Variants in SYNRG observed in about 807,000 individuals in gnomAD.
SYNRG encodes the protein synergin gamma.
SYNRG carries 37 observed loss-of-function variants against 130.9 expected under a neutral mutation model. The observed-to-expected ratio is 0.28, with a 90% CI of 0.22 to 0.37. SYNRG has a LOEUF of 0.37. Among genes scored for constraint, SYNRG ranks in the 10% least tolerant of loss-of-function variants. The pLI, the probability that SYNRG is intolerant of heterozygous loss-of-function variation, is 1.00. For synonymous variants in SYNRG, 539 were observed against 568.1 expected (o/e 0.95, Z 0.73); for missense variants, 1,338 against 1,588.9 (o/e 0.84, Z 2.68).
intron 14 of SYNRG, among the ~76,000 whole-genome samples, chr17:37,549,379 G>T (rs963451669): frequency 6.6e-5 from 10 of 151,834 alleles, no homozygotes; most frequent in Admixed American, 4.6e-4. Flanking sequence ...TTTGGCCTAC[G>T]CTTGTTGCCA....
At chr17:37,534,978 A>G (rs1598151373) in intron 19 of SYNRG, among the ~76,000 whole-genome samples, 1 of 152,316 alleles carries the variant, frequency 6.6e-6, no homozygotes, top group Middle Eastern at 3.4e-3. Context: ...GAAATAAAGG[A>G]TATCATCAGA....
chr17:37,594,345 G>A (rs893633407), intron 3 of SYNRG, among the ~76,000 whole-genome samples: 5 of 144,932 alleles, frequency 3.4e-5, no homozygotes, highest in Non-Finnish European at 7.5e-5. Flanking sequence ...AAAAATTAAT[G>A]ATTTAAAATT....
At chr17:37,589,001 T>C (rs1324731981) in intron 3 of SYNRG, among the ~76,000 whole-genome samples, 1 of 152,190 alleles carries the variant, frequency 6.6e-6, no homozygotes, top group African/African-American at 2.4e-5. Context: ...GAAACCTAAA[T>C]AAACTAAAAG....
intron 11 of SYNRG, among the ~76,000 whole-genome samples, chr17:37,563,064 T>C (rs1224595455): frequency 6.6e-6 from 1 of 152,194 alleles, no homozygotes; most frequent in Non-Finnish European, 1.5e-5. Context: ...AAAATTCCAT[T>C]CAAAAAAAGT....
chr17:37,589,663 G>A (rs769115351), intron 3 of SYNRG, among the ~76,000 whole-genome samples: 59 of 151,690 alleles, frequency 3.9e-4, no homozygotes, highest in Non-Finnish European at 5.6e-4. Flanking sequence ...GCAGGAGAAC[G>A]GTGTGAACCC....
intron 3 of SYNRG, among the ~76,000 whole-genome samples, chr17:37,593,878 CAAAAA>C (rs36060397): frequency 2.2e-5 from 2 of 89,570 alleles, no homozygotes; most frequent in Non-Finnish European, 4.6e-5. Context: ...AACTCCCTCT[CAAAAA>C]AAAAAAAAAA....
rs1483984699 is a variant in SYNRG at position 37,520,191 on chromosome 17, T to C, written c.3801A>G (p.Glu1267=). 1 of 1,613,402 alleles carries C rather than the reference T, an allele frequency of 6.2e-7. No individual in the cohort carries two copies. The highest frequency in any genetic ancestry group is 1.3e-5 in the African/African-American group (1 of 74,924). Residue 1267 remains glutamate, a synonymous_variant, in exon 21 of 22, where the codon GAA becomes GAG. Coordinates refer to ENST00000612223, the MANE Select transcript of SYNRG (RefSeq NM_007247.6). The part of the protein sequence containing the change: ...RSRKEEKPAE[E]HPKKAFNSET... ...AACTGGTTCATACTTTTTTAGGATG[T>C]TCTTCTGCAGGCTTCTCTTCTTTCT...
Position 37,570,627 on chromosome 17 carries a change from C to T in SYNRG, c.1347+10G>A, listed in dbSNP as rs767663459. ...TGATTATCTGAAATATGCACAGCTTCGCCATTTACCTGATTTGCAGGGTAG... is the reference window on the plus strand; with the variant it reads ...TGATTATCTGAAATATGCACAGCTTTGCCATTTACCTGATTTGCAGGGTAG... On this transcript the variant is annotated intron_variant, in intron 10 of 21. Coordinates refer to ENST00000612223, the MANE Select transcript of SYNRG (RefSeq NM_007247.6). 1.8e-5 allele frequency: 29 copies of T among 1,605,258 alleles called. No individual in the cohort carries two copies. The highest frequency in any genetic ancestry group is 1.7e-4 in the Middle Eastern group (1 of 5,988).
intron 11 of SYNRG, among the ~76,000 whole-genome samples, chr17:37,565,460 CG>C (rs1302821347): frequency 6.6e-6 from 1 of 151,894 alleles, no homozygotes; most frequent in Non-Finnish European, 1.5e-5. Flanking sequence ...TCTGCCCGGC[CG>C]CCACCCCGTC....
chr17:37,536,142 G>A lies in SYNRG; in HGVS notation c.3518-15C>T, dbSNP rs777612140. Reference sequence around the variant, plus strand: ...TTCAACAACACCTGACGGGATGAGAGAGCAGAGAGAGAGTGTTGGCAGTGG... The same window carrying A: ...TTCAACAACACCTGACGGGATGAGAAAGCAGAGAGAGAGTGTTGGCAGTGG... On this transcript the variant is annotated splice_polypyrimidine_tract_variant and intron_variant, in intron 18 of 21. Coordinates refer to ENST00000612223, the MANE Select transcript of SYNRG (RefSeq NM_007247.6). 3 of 1,599,212 alleles carry A rather than the reference G, an allele frequency of 1.9e-6. No individual in the cohort carries two copies. Among genetic ancestry groups the A allele is most frequent in the East Asian group, 4.5e-5 (2 of 44,630 alleles).
At position 37,553,275 on chromosome 17, in the gene SYNRG, A is replaced by G; in HGVS notation, c.2448T>C (p.Pro816=). 1 of 1,613,918 alleles carries G rather than the reference A, an allele frequency of 6.2e-7. No individual in the cohort carries two copies. The highest frequency in any genetic ancestry group is 8.5e-7 in the Non-Finnish European group (1 of 1,179,952). The change falls in exon 14 of 22, where the codon CCT becomes CCC. Residue 816 remains proline, a synonymous_variant. Transcript: ENST00000612223. The part of the protein sequence containing the change: ...DSASVKSLDL[P]SIGGSSVGKE... The stretch of plus-strand genomic sequence containing the variant: ...TGCCAACACTGCTGCCACCAATGGA[A>G]GGGAGATCTAAGGACTTCACTGATG...
chr17:37,551,497 A>G (rs1297430607), intron 14 of SYNRG, among the ~76,000 whole-genome samples: 1 of 152,148 alleles, frequency 6.6e-6, no homozygotes, highest in Non-Finnish European at 1.5e-5. Flanking sequence ...ATGAGCACAG[A>G]AGATTATTTT....
chr17:37,541,307 G>A (rs1422104480), intron 15 of SYNRG: 1 of 962,702 alleles, frequency 1.0e-6, no homozygotes. Flanking sequence ...TGCCTTCAGA[G>A]ACCAGGCAAG....
At position 37,515,117 on chromosome 17, in the gene SYNRG, A is replaced by G. The variant is rs2054327661; in HGVS notation, c.*3823T>C. ...CACTTACATTCACGTCAACATATAA[A>G]TAATGGAATTAAGTAAAAACTTCAT... On this transcript the variant is annotated 3_prime_UTR_variant, in exon 22 of 22. Transcript: ENST00000612223. 6.6e-6 allele frequency: 1 copy of G among 152,236 alleles called. No homozygotes were observed. 9.4% of individuals were successfully genotyped at this position (152,236 alleles called of 1,614,324 possible).
chr17:37,577,587 C>A lies in SYNRG; in HGVS notation c.616G>T (p.Val206Leu). Reference sequence around the variant, plus strand: ...CCAGATGTACTTATATCACAAGATACTAGGAACTTCTCCTCCAAGGAAGGG... The same window carrying A: ...CCAGATGTACTTATATCACAAGATAATAGGAACTTCTCCTCCAAGGAAGGG... Reference protein sequence around the residue: ...PGPSLEEKFLVSCDISTSGQE... With the variant: ...PGPSLEEKFLLSCDISTSGQE... Residue 206 changes from valine (V) to leucine (L), a missense_variant, in exon 7 of 22, where the codon GTA becomes TTA. Val to Leu is a conservative substitution (Grantham distance 32). Transcript: ENST00000612223. The A allele has an allele frequency of 1.2e-6, 2 of 1,613,898 alleles. No individual in the cohort carries two copies. Among genetic ancestry groups the A allele is most frequent in the South Asian group, 2.2e-5 (2 of 91,076 alleles).
rs941751009 is a variant in SYNRG at position 37,516,251 on chromosome 17, T to C, written c.*2689A>G. 6.6e-6 allele frequency: 1 copy of C among 152,190 alleles called. No individual in the cohort carries two copies. Among genetic ancestry groups the C allele is most frequent in the African/African-American group, 2.4e-5 (1 of 41,450 alleles). 9.4% of individuals were successfully genotyped at this position (152,190 alleles called of 1,614,324 possible). A position where few individuals can be genotyped will look rare whatever the true frequency, so the allele number is the denominator to read the frequency against. On this transcript the variant is annotated 3_prime_UTR_variant, in exon 22 of 22. Transcript: ENST00000612223. ...CTGACAAGAAGAGCTGAGGTGAAGC[T>C]GAATGCAGCGTTGAGCCATTTTAAT...
chr17:37,525,025 G>T lies in SYNRG; in HGVS notation c.3667-4377C>A, dbSNP rs186285152. Among the ~76,000 whole-genome samples, 23 of 152,302 alleles carry T rather than the reference G, an allele frequency of 1.5e-4. No individual in the cohort carries two copies. The East Asian group carries it at 4.2e-3, about 28-fold the overall frequency. ...AAAAGATCATACTGTAATCGCCAAT[G>T]AAAACCATAAGGCTCTGCATAAATG... On this transcript the variant is annotated intron_variant, in intron 19 of 21. Transcript: ENST00000612223.
intron 1 of SYNRG, chr17:37,600,656 C>G (rs2063190194): frequency 1.7e-6 from 1 of 593,502 alleles, no homozygotes; most frequent in Non-Finnish European, 3.0e-6. Flanking sequence ...ACTTCGTGTC[C>G]TCTCTGGATT....
intron 1 of SYNRG, chr17:37,600,748 G>A: frequency 2.7e-6 from 1 of 371,542 alleles, no homozygotes; most frequent in Non-Finnish European, 4.9e-6. Flanking sequence ...TGAAATGATG[G>A]AATCTTATAA....
Sources: gnomAD v4.1 joint callset for allele counts (sites outside exome capture counted in the v4.1 genomes callset) on GRCh38, gnomAD v4.1.1 for gene constraint, MANE v1.5 for transcripts, NCBI Gene and HGNC (gene_info 2026-07-23, HGNC 2026-07-21) for gene names.